DTNBP1: variants seen among roughly 807,000 people sequenced by gnomAD.
DTNBP1 encodes the protein dysbindin.
In DTNBP1, 35 loss-of-function variants were observed where a neutral mutation model predicts 42.8. The observed-to-expected ratio is 0.82, with a 90% confidence interval of 0.63 to 1.09. The LOEUF (loss-of-function observed/expected upper bound fraction) is 1.09. DTNBP1 is among the 50% of genes least tolerant of loss of function. The probability of loss-of-function intolerance (pLI) is 0.00; values close to 1 mark genes in which losing one functional copy is unlikely to be tolerated. For missense variants in DTNBP1, 457 were observed against 424.2 expected (o/e 1.08, Z -0.68); for synonymous variants, 171 against 162.2 (o/e 1.05, Z -0.41).
intron 5 of DTNBP1, among the ~76,000 whole-genome samples, chr6:15,620,904 T>C (rs1436319067): frequency 6.6e-6 from 1 of 152,158 alleles, no homozygotes; most frequent in Non-Finnish European, 1.5e-5. Flanking sequence ...GTTAAAAGGA[T>C]TAAATGAGCC....
At chr6:15,659,437 C>T (rs1219048652) in intron 1 of DTNBP1, among the ~76,000 whole-genome samples, 2 of 152,210 alleles carry the variant, frequency 1.3e-5, no homozygotes, top group Non-Finnish European at 2.9e-5. Flanking sequence ...CTGGCTTCCA[C>T]ACAATTGCTC....
At chr6:15,633,359 CT>C (rs144747679) in intron 4 of DTNBP1, among the ~76,000 whole-genome samples, 251 of 152,272 alleles carry the variant, frequency 1.6e-3, no homozygotes, top group Non-Finnish European at 3.0e-3. Context: ...AAAGAATACA[CT>C]ATTCTAGATG....
intron 4 of DTNBP1, among the ~76,000 whole-genome samples, chr6:15,636,034 T>C: frequency 6.6e-6 from 1 of 152,170 alleles, no homozygotes. Context: ...ATTGCTAACA[T>C]TTTGAGGACA....
chr6:15,525,702 G>A (rs984725581), intron 8 of DTNBP1, among the ~76,000 whole-genome samples: 1 of 152,110 alleles, frequency 6.6e-6, no homozygotes, highest in Non-Finnish European at 1.5e-5. Flanking sequence ...TAAACTAGAA[G>A]GCAGGATGAG....
chr6:15,581,478 G>GTTTTTTT (rs68011795), intron 7 of DTNBP1, among the ~76,000 whole-genome samples: 1 of 90,372 alleles, frequency 1.1e-5, no homozygotes, highest in Non-Finnish European at 2.0e-5. Flanking sequence ...GCGCCCGACT[G>GTTTTTTT]TTTTTTTTTT....
chr6:15,524,173 G>A, intron 9 of DTNBP1: 1 of 1,447,622 alleles, frequency 6.9e-7, no homozygotes, highest in South Asian at 1.2e-5. Flanking sequence ...TTTCCCGTGA[G>A]CCCCGCAGGA....
At chr6:15,635,408 C>T (rs143308313) in intron 4 of DTNBP1, among the ~76,000 whole-genome samples, 41 of 152,200 alleles carry the variant, frequency 2.7e-4, no homozygotes, top group Middle Eastern at 3.4e-3. Context: ...TGTGAGCCAC[C>T]GAGCCTAACT....
intron 5 of DTNBP1, among the ~76,000 whole-genome samples, chr6:15,623,865 T>C (rs1235554735): frequency 1.3e-5 from 2 of 152,364 alleles, no homozygotes; most frequent in East Asian, 3.9e-4. Flanking sequence ...ACACCTTCAA[T>C]GTACAGAATA....
At chr6:15,575,544 C>T (rs1233114820) in intron 7 of DTNBP1, among the ~76,000 whole-genome samples, 2 of 152,182 alleles carry the variant, frequency 1.3e-5, no homozygotes, top group African/African-American at 4.8e-5. Context: ...GAAAATGTCG[C>T]TGCTGAAAAG....
chr6:15,612,356 C>CA lies in DTNBP1; in HGVS notation c.488+2910dup, dbSNP rs367806507. ...ATAATTTTTATATGCACTAGGAAAG[C>CA]AAAAAAAAAATCATGTAACTAGCTT... On this transcript the variant is annotated intron_variant, in intron 6 of 9. Transcript: ENST00000344537. 3.9e-3 allele frequency among the ~76,000 whole-genome samples: 571 copies of CA among 147,738 alleles called. 5 individuals carry two copies. The highest frequency in any genetic ancestry group is 0.024 in the Middle Eastern group (7 of 292).
chr6:15,563,598 C>T (rs187043615), intron 7 of DTNBP1, among the ~76,000 whole-genome samples: 1 of 152,270 alleles, frequency 6.6e-6, no homozygotes, highest in East Asian at 1.9e-4. Flanking sequence ...TTAAGCAAAT[C>T]CTGAATTACA....
intron 7 of DTNBP1, among the ~76,000 whole-genome samples, chr6:15,545,683 A>C (rs1230849449): frequency 6.6e-6 from 1 of 152,250 alleles, no homozygotes; most frequent in Non-Finnish European, 1.5e-5. Flanking sequence ...TTAGGTCCTT[A>C]GGAACAGCTA....
chr6:15,546,063 CT>C (rs34253215), intron 7 of DTNBP1: 18,224 of 302,546 alleles, frequency 0.06, 1 homozygote, highest in South Asian at 0.076. Context: ...ACCTCCAGTT[CT>C]TTTTTTTTTT....
At position 15,533,293 on chromosome 6, in the gene DTNBP1, T is replaced by G; in HGVS notation, c.614A>C (p.Gln205Pro). The G allele has an allele frequency of 6.2e-7, 1 of 1,614,226 alleles. No homozygotes were observed. The change falls in exon 8 of 10, where the codon CAG (glutamine) becomes CCG (proline). Residue 205 changes from glutamine to proline, a missense_variant. Gln to Pro is a moderately conservative substitution (Grantham distance 76). Transcript: ENST00000344537. ...AGTGGACAGGTACTGCTCCATGTCC[T>G]GCTGGAAGGCTTCCTCAAAAAACTT... Reference protein sequence around the residue: ...RQKFFEEAFQQDMEQYLSTGY... With the variant: ...RQKFFEEAFQPDMEQYLSTGY...
intron 4 of DTNBP1, among the ~76,000 whole-genome samples, chr6:15,628,992 T>C (rs2619542): frequency 0.56 from 85,705 of 151,982 alleles, 24,943 homozygotes; most frequent in African/African-American, 0.69. Flanking sequence ...GGAGGCCACA[T>C]CAAGTTTCAC....
At chr6:15,659,426 T>C (rs1319527390) in intron 1 of DTNBP1, among the ~76,000 whole-genome samples, 1 of 152,230 alleles carries the variant, frequency 6.6e-6, no homozygotes, top group Non-Finnish European at 1.5e-5. Context: ...AGGCAGCTGC[T>C]CTGGCTTCCA....
intron 7 of DTNBP1, among the ~76,000 whole-genome samples, chr6:15,578,418 A>T (rs1268406447): frequency 6.6e-6 from 1 of 152,228 alleles, no homozygotes; most frequent in Non-Finnish European, 1.5e-5. Flanking sequence ...ACAACATCTG[A>T]AGTGAGAACT....
intron 3 of DTNBP1, among the ~76,000 whole-genome samples, chr6:15,642,990 A>G (rs1760462851): frequency 6.6e-6 from 1 of 152,230 alleles, no homozygotes; most frequent in Non-Finnish European, 1.5e-5. Context: ...GATGACCAAT[A>G]AAGAATAAAA....
intron 7 of DTNBP1, among the ~76,000 whole-genome samples, chr6:15,534,824 T>A (rs948952360): frequency 6.6e-6 from 1 of 152,116 alleles, no homozygotes; most frequent in African/African-American, 2.4e-5. Context: ...TAACCCAATA[T>A]TGATATGAAA....
Sources: allele counts gnomAD v4.1 joint callset (sites outside exome capture counted in the v4.1 genomes callset), GRCh38; gene constraint gnomAD v4.1.1; transcripts MANE v1.5; gene names NCBI Gene and HGNC (gene_info 2026-07-23, HGNC 2026-07-21).